Variants in SYNC observed in about 807,000 individuals in gnomAD.
SYNC encodes syncoilin.
A neutral mutation model predicts 49.5 loss-of-function variants in SYNC; 38 were observed. The ratio of observed to expected loss-of-function variants is 0.77; its 90% CI spans 0.59 to 1.01. The LOEUF (loss-of-function observed/expected upper bound fraction) is 1.01. Ranked by LOEUF, SYNC falls within the 50% of genes least tolerant of loss-of-function variation. SYNC has a pLI of 0.00. For synonymous variants in SYNC, 201 were observed against 230.8 expected, an observed-to-expected ratio of 0.87 and a Z score of 1.17; for missense variants, 579 against 580.6, an observed-to-expected ratio of 1.00 and a Z score of 0.03.
In SYNC at chr1:32,695,512, G is replaced by A. The variant is rs199700360; in HGVS notation, c.586C>T (p.Leu196Phe). The A allele has an allele frequency of 1.0e-3, 1,564 of 1,551,468 alleles. 1 individual carries two copies. The highest frequency in any genetic ancestry group is 1.3e-3 in the Non-Finnish European group (1,448 of 1,146,970). ...VAQLEEERDQ[L>F]IHELVLLREP... Reference sequence around the variant, plus strand: ...CGGAGCAATACAAGCTCATGGATGAGCTGATCCCTCTCCTCTTCCAGCTGG... The same window carrying A: ...CGGAGCAATACAAGCTCATGGATGAACTGATCCCTCTCCTCTTCCAGCTGG... The change falls in exon 2 of 5, where the codon CTC (leucine) becomes TTC (phenylalanine). Residue 196 changes from leucine to phenylalanine, a missense_variant. By Grantham distance (22) the Leu-to-Phe change is conservative. Coordinates refer to ENST00000409190, the MANE Select transcript of SYNC (RefSeq NM_030786.3).
chr1:32,693,248 A>G (rs1244478531), intron 2 of SYNC, among the ~76,000 whole-genome samples: 1 of 151,702 alleles, frequency 6.6e-6, no homozygotes. Context: ...ATGCCCCCCT[A>G]ATTTTTGTCT....
chr1:32,699,157 T>TTC lies in SYNC; in HGVS notation c.54-3114_54-3113insGA, dbSNP rs1370868614. Among the ~76,000 whole-genome samples, 3 of 139,804 alleles carry TTC rather than the reference T, an allele frequency of 2.1e-5. 1 individual carries two copies. The highest frequency in any genetic ancestry group is 7.8e-5 in the African/African-American group (3 of 38,310). 91.7% of individuals were successfully genotyped at this position (139,804 alleles called of 152,430 possible). ...CTGAGAAGTGACTTTTCTTTTCTTT[T>TTC]TTTTTTTTTTTTTTGAGATGGAGCT... On this transcript the variant is annotated intron_variant, in intron 1 of 4. Coordinates refer to ENST00000409190, the MANE Select transcript of SYNC (RefSeq NM_030786.3).
chr1:32,702,736 C>T lies in SYNC; in HGVS notation c.-76G>A. ...GGCCCCTCGCTCCGGCGCCCGCGCC[C>T]GCCGCACTGCCAGCTGCAACCGACA... is the stretch of plus-strand genomic sequence containing the variant. On this transcript the variant is annotated 5_prime_UTR_variant, in exon 1 of 5. Coordinates refer to ENST00000409190, the MANE Select transcript of SYNC (RefSeq NM_030786.3). The surrounding 1 kb of genome is among the most constrained non-coding windows in gnomAD (Gnocchi z 6.2). The T allele has an allele frequency of 2.8e-6, 3 of 1,065,262 alleles. No homozygotes were observed. Among genetic ancestry groups the T allele is most frequent in the South Asian group, 4.5e-5 (1 of 22,428 alleles). 66.0% of individuals were successfully genotyped at this position (1,065,262 alleles called of 1,614,324 possible).
At chr1:32,683,682 G>A (rs773451739) in intron 4 of SYNC, 2 of 213,760 alleles carry the variant, frequency 9.4e-6, no homozygotes, top group East Asian at 1.2e-4. Context: ...TGTACAAGCT[G>A]GAGTGCTGTA....
At chr1:32,699,064 G>A (rs1246040496) in intron 1 of SYNC, among the ~76,000 whole-genome samples, 2 of 150,758 alleles carry the variant, frequency 1.3e-5, no homozygotes, top group Non-Finnish European at 3.0e-5. Context: ...ACAGGCATGA[G>A]CCACCACATC....
At chr1:32,689,235 C>CTTTGTTTT (rs1650041882) in intron 2 of SYNC, among the ~76,000 whole-genome samples, 1 of 41,520 alleles carries the variant, frequency 2.4e-5, no homozygotes, top group Non-Finnish European at 4.9e-5. Context: ...CTCGCCTGGC[C>CTTTGTTTT]TTTTTTTTTT....
intron 1 of SYNC, among the ~76,000 whole-genome samples, chr1:32,698,059 C>T (rs1557878342): frequency 1.3e-5 from 2 of 151,748 alleles, no homozygotes; most frequent in South Asian, 2.1e-4. Flanking sequence ...CCCGTCTCTA[C>T]TAAAAATACA....
In SYNC at chr1:32,702,576, G is replaced by T; in HGVS notation, c.53+32C>A. Reference sequence around the variant, plus strand: ...CGTCCAGCAGCACCCCTTCCCCAGCGGGGCGGCGACGCGGGCCCGGCACTG... The same window carrying T: ...CGTCCAGCAGCACCCCTTCCCCAGCTGGGCGGCGACGCGGGCCCGGCACTG... On this transcript the variant is annotated intron_variant, in intron 1 of 4. Coordinates refer to ENST00000409190, the MANE Select transcript of SYNC (RefSeq NM_030786.3). This position sits in a 1 kb window ranked among gnomAD's most constrained non-coding sequence, Gnocchi z 6.2. 1.6e-6 allele frequency: 2 copies of T among 1,217,672 alleles called. No individual in the cohort carries two copies. Among genetic ancestry groups the T allele is most frequent in the South Asian group, 4.1e-5 (1 of 24,272 alleles). 75.4% of individuals were successfully genotyped at this position (1,217,672 alleles called of 1,614,324 possible).
At chr1:32,684,617 G>T in intron 2 of SYNC, 1 of 518,150 alleles carries the variant, frequency 1.9e-6, no homozygotes, top group Non-Finnish European at 3.4e-6. Context: ...ACCACAGCTT[G>T]CTTTAATAGA....
intron 4 of SYNC, 33 bp from the exon 5 acceptor site, chr1:32,681,893 G>T: frequency 1.3e-6 from 2 of 1,587,744 alleles, no homozygotes; most frequent in South Asian, 1.1e-5. Context: ...TTATAACAGT[G>T]AACTTCTGAG....
chr1:32,684,573 GAAAATGATGACGA>G (rs1649687445), intron 2 of SYNC, 191 bp from the exon 3 acceptor site: 7 of 778,056 alleles, frequency 9.0e-6, no homozygotes, highest in Non-Finnish European at 1.2e-5. Flanking sequence ...CAATGCTTTT[GAAAATGATGACGA>G]AAAAGGCATC....
intron 2 of SYNC, chr1:32,685,723 A>G (rs1325866439): frequency 6.6e-6 from 1 of 152,208 alleles, no homozygotes; most frequent in Non-Finnish European, 1.5e-5. Context: ...ACTACCTACC[A>G]GACCCGTTGG....
intron 2 of SYNC, among the ~76,000 whole-genome samples, chr1:32,687,863 T>TATTATTATTATTATTATTA (rs1557871715): frequency 1.3e-5 from 2 of 148,154 alleles, no homozygotes; most frequent in African/African-American, 2.5e-5. Flanking sequence ...TTATTATTAT[T>TATTATTATTATTATTATTA]TTTTGAGATG....
rs1650418869 is a variant in SYNC, at chr1:32,696,172, C to T, written c.54-128G>A. On this transcript the variant is annotated intron_variant, in intron 1 of 4. Coordinates refer to ENST00000409190, the MANE Select transcript of SYNC (RefSeq NM_030786.3). ...GTCAGCAGCCATTCGTCTGCTCCCT[C>T]CACTCTGTCAATCCACCCCTCCACA... 3 of 721,372 alleles carry T rather than the reference C, an allele frequency of 4.2e-6. No homozygotes were observed. The East Asian group carries it at 8.1e-5, about 20-fold the overall frequency. The allele number at this position is 721,372 out of a possible 1,614,324, so 44.7% of individuals were successfully genotyped here. A position where few individuals can be genotyped will look rare whatever the true frequency, so the allele number is the denominator to read the frequency against.
At chr1:32,691,569 GTA>G (rs1295745741) in intron 2 of SYNC, among the ~76,000 whole-genome samples, 1 of 6,822 alleles carries the variant, frequency 1.5e-4, no homozygotes, top group Non-Finnish European at 1.5e-3. Context: ...AAAAAAAAAA[GTA>G]GCAAGGCAAT....
At chr1:32,682,958 A>T (rs1649546005) in intron 4 of SYNC, 1 of 152,080 alleles carries the variant, frequency 6.6e-6, no homozygotes, top group African/African-American at 2.4e-5. Flanking sequence ...TTGGTCAGAA[A>T]GATGCCTTCA....
chr1:32,683,879 C>A, intron 4 of SYNC, 131 bp downstream of exon 4: 1 of 821,200 alleles, frequency 1.2e-6, no homozygotes, highest in Non-Finnish European at 1.9e-6. Context: ...GTGATCCACC[C>A]TCCTCAGCCT....
intron 1 of SYNC, among the ~76,000 whole-genome samples, chr1:32,696,749 A>C (rs1428505714): frequency 6.6e-6 from 1 of 151,384 alleles, no homozygotes; most frequent in African/African-American, 2.4e-5. Context: ...CGCCCAGCCC[A>C]GTTCTAATAA....
At position 32,680,098 on chromosome 1, in the gene SYNC, A is replaced by G. The variant is rs180959850; in HGVS notation, c.*1752T>C. ...TCTGAGCCATGAAGTATAAATACTG[A>G]AAGATGTCACTTTTATTCAGGAAAT... is the stretch of plus-strand genomic sequence containing the variant. On this transcript the variant is annotated 3_prime_UTR_variant, in exon 5 of 5. Transcript: ENST00000409190. The G allele has an allele frequency of 9.4e-7, 1 of 1,064,234 alleles. No individual in the cohort carries two copies. The highest frequency in any genetic ancestry group is 1.7e-5 in the African/African-American group (1 of 59,418). 65.9% of individuals were successfully genotyped at this position (1,064,234 alleles called of 1,614,324 possible). A position where few individuals can be genotyped will look rare whatever the true frequency, so the allele number is the denominator to read the frequency against.
Sources: gnomAD v4.1 joint callset for allele counts (sites outside exome capture counted in the v4.1 genomes callset) on GRCh38, gnomAD v4.1.1 for gene constraint, Gnocchi (gnomAD v3.1) non-coding constraint, MANE v1.5 for transcripts, NCBI Gene and HGNC (gene_info 2026-07-23, HGNC 2026-07-21) for gene names.